Variants in HSD17B12 observed in about 807,000 individuals in gnomAD.
The protein encoded by HSD17B12 is very-long-chain 3-oxoacyl-CoA reductase.
Under a neutral mutation model 39.3 loss-of-function variants are expected in HSD17B12, and 32 were observed. That is an observed-to-expected ratio of 0.81 (90% CI 0.61 to 1.09). HSD17B12 has a LOEUF of 1.09. HSD17B12 is among the 50% of genes least tolerant of loss of function. The probability of loss-of-function intolerance (pLI) is 0.00; values close to 1 mark genes in which losing one functional copy is unlikely to be tolerated. For missense variants in HSD17B12, 342 were observed against 382.9 expected (o/e 0.89, Z 0.89); for synonymous variants, 150 against 146.7 (o/e 1.02, Z -0.16).
At chr11:43,758,496 A>G (rs1950530337) in intron 3 of HSD17B12, among the ~76,000 whole-genome samples, 1 of 152,186 alleles carries the variant, frequency 6.6e-6, no homozygotes, top group South Asian at 2.1e-4. Flanking sequence ...AAATGAGACT[A>G]GGTGTCTGTG....
At chr11:43,615,703 TC>T in the HSD17B12 span, among the ~76,000 whole-genome samples, 12 of 152,238 alleles carry the variant, frequency 7.9e-5, no homozygotes, top group Non-Finnish European at 1.6e-4. Flanking sequence ...AGCTTTTACT[TC>T]AGTTTTATAT....
chr11:43,630,544 G>T, the HSD17B12 span, among the ~76,000 whole-genome samples: 1 of 152,144 alleles, frequency 6.6e-6, no homozygotes, highest in Non-Finnish European at 1.5e-5. Flanking sequence ...ATCTCTGGTG[G>T]CCACTTTTGT....
At chr11:43,716,291 T>C (rs569350744) in intron 1 of HSD17B12, among the ~76,000 whole-genome samples, 14 of 152,306 alleles carry the variant, frequency 9.2e-5, no homozygotes, top group African/African-American at 3.1e-4. Flanking sequence ...CCAGAACTTA[T>C]ATCTACTCTG....
chr11:43,732,394 T>A (rs1332803555), intron 1 of HSD17B12, among the ~76,000 whole-genome samples: 1 of 152,160 alleles, frequency 6.6e-6, no homozygotes, highest in African/African-American at 2.4e-5. Flanking sequence ...GAAGAAATGC[T>A]GCTGGTTAGT....
chr11:43,693,680 T>A (rs1949884362), intron 1 of HSD17B12, among the ~76,000 whole-genome samples: 1 of 152,204 alleles, frequency 6.6e-6, no homozygotes. Flanking sequence ...GAATATAGTA[T>A]TTTTTAGAAA....
chr11:43,810,367 T>TTTTA (rs1181869252), intron 4 of HSD17B12, among the ~76,000 whole-genome samples: 37 of 59,662 alleles, frequency 6.2e-4, no homozygotes, highest in African/African-American at 2.4e-3. Flanking sequence ...AATTTAGAAA[T>TTTTA]TATATATATA....
the HSD17B12 span, among the ~76,000 whole-genome samples, chr11:43,653,117 G>A: frequency 6.6e-6 from 1 of 152,068 alleles, no homozygotes; most frequent in Non-Finnish European, 1.5e-5. Context: ...AGGTCAGAGA[G>A]AGATTCTGTT....
intron 1 of HSD17B12, among the ~76,000 whole-genome samples, chr11:43,719,869 T>G (rs914207535): frequency 5.3e-5 from 8 of 152,322 alleles, no homozygotes; most frequent in Middle Eastern, 3.4e-3. Context: ...TGTTTCTTTC[T>G]CTTTTAGTCC....
the HSD17B12 span, among the ~76,000 whole-genome samples, chr11:43,609,418 T>G: frequency 6.6e-6 from 1 of 151,308 alleles, no homozygotes; most frequent in South Asian, 2.1e-4. Flanking sequence ...CAGGCTGGAG[T>G]GCAGTGGTGC....
the HSD17B12 span, among the ~76,000 whole-genome samples, chr11:43,584,380 C>T: frequency 6.6e-6 from 1 of 152,218 alleles, no homozygotes; most frequent in East Asian, 1.9e-4. Context: ...CTCTGGAAAG[C>T]TCTGCTCTTG....
At position 43,831,150 on chromosome 11, in the gene HSD17B12, C is replaced by T. The variant is rs553479313; in HGVS notation, c.536+140C>T. 16 of 659,944 alleles carry T rather than the reference C, an allele frequency of 2.4e-5. No individual in the cohort carries two copies. The highest frequency in any genetic ancestry group is 3.7e-5 in the Non-Finnish European group (15 of 401,198). 40.9% of individuals were successfully genotyped at this position (659,944 alleles called of 1,614,324 possible). A position where few individuals can be genotyped will look rare whatever the true frequency, so the allele number is the denominator to read the frequency against. ...CTTAGCCACAGAGTGATGTACCAGG[C>T]GAGTCACAGTAGAGCATGAGTCATC... is the stretch of plus-strand genomic sequence containing the variant. On this transcript the variant is annotated intron_variant, in intron 7 of 10. Transcript: ENST00000278353. The surrounding 1 kb of genome is among the most constrained non-coding windows in gnomAD (Gnocchi z 4.1).
intron 3 of HSD17B12, among the ~76,000 whole-genome samples, chr11:43,793,057 G>C (rs544610748): frequency 6.6e-6 from 1 of 152,074 alleles, no homozygotes; most frequent in African/African-American, 2.4e-5. Flanking sequence ...GACAAATAAT[G>C]CTCCCTGTTT....
chr11:43,678,794 A>G (rs1949715197), upstream of HSD17B12, among the ~76,000 whole-genome samples: 1 of 152,132 alleles, frequency 6.6e-6, no homozygotes, highest in African/African-American at 2.4e-5. Flanking sequence ...ATTGGTTTAT[A>G]TCTCTGTTTT....
chr11:43,817,154 G>T (rs1039446696), intron 6 of HSD17B12, among the ~76,000 whole-genome samples: 1 of 151,610 alleles, frequency 6.6e-6, no homozygotes, highest in Admixed American at 6.6e-5. Context: ...TTTGAGAATT[G>T]TCTATTCATG....
intron 1 of HSD17B12, among the ~76,000 whole-genome samples, chr11:43,749,721 G>C (rs1950447991): frequency 6.6e-6 from 1 of 151,914 alleles, no homozygotes; most frequent in Non-Finnish European, 1.5e-5. Context: ...TATGGCTAGG[G>C]AGACTATGAA....
chr11:43,726,389 A>T (rs1202809438), intron 1 of HSD17B12, among the ~76,000 whole-genome samples: 1 of 152,176 alleles, frequency 6.6e-6, no homozygotes, highest in Non-Finnish European at 1.5e-5. Flanking sequence ...CTAAAGCCCG[A>T]GCAAAGGAAG....
the HSD17B12 span, among the ~76,000 whole-genome samples, chr11:43,651,627 C>G: frequency 6.6e-6 from 1 of 152,204 alleles, no homozygotes; most frequent in Non-Finnish European, 1.5e-5. Context: ...TCGCCCCAGG[C>G]TGCAGTGCGG....
intron 3 of HSD17B12, among the ~76,000 whole-genome samples, chr11:43,767,925 A>C (rs1167969209): frequency 1.3e-5 from 2 of 152,236 alleles, no homozygotes; most frequent in East Asian, 3.8e-4. Flanking sequence ...CTTTTATGGA[A>C]CACTTAATCA....
chr11:43,710,621 C>G (rs1024622240), intron 1 of HSD17B12, among the ~76,000 whole-genome samples: 7 of 152,022 alleles, frequency 4.6e-5, no homozygotes, highest in African/African-American at 1.7e-4. Context: ...TCATTCTGAA[C>G]TATAACTGAC....
Sources: allele counts gnomAD v4.1 joint callset (sites outside exome capture counted in the v4.1 genomes callset), GRCh38; gene constraint gnomAD v4.1.1; non-coding constraint Gnocchi (gnomAD v3.1); transcripts MANE v1.5; gene names NCBI Gene and HGNC (gene_info 2026-07-23, HGNC 2026-07-21).